SEMA5A: variants seen among roughly 807,000 people sequenced by gnomAD.
SEMA5A encodes the protein semaphorin 5A, also known as semaphorin-5A.
A neutral mutation model predicts 135.5 loss-of-function variants in SEMA5A; 55 were observed. The observed-to-expected ratio is 0.41, with a 90% confidence interval of 0.33 to 0.51. The LOEUF (loss-of-function observed/expected upper bound fraction) is 0.51, where lower values mean the gene tolerates loss of function less well. Ranked by LOEUF, SEMA5A falls within the 20% of genes least tolerant of loss-of-function variation. The pLI is 0.37. For missense variants in SEMA5A, 1,290 were observed against 1,419.9 expected (o/e 0.91, Z 1.47); for synonymous variants, 580 against 546.5 (o/e 1.06, Z -0.85).
At chr5:9,301,674 T>G (rs994943719) in intron 5 of SEMA5A, among the ~76,000 whole-genome samples, 2 of 152,116 alleles carry the variant, frequency 1.3e-5, no homozygotes, top group East Asian at 3.9e-4. Flanking sequence ...CAGTGCAATG[T>G]CATTAAAGGC....
chr5:9,330,453 GT>G (rs200229375), intron 4 of SEMA5A, among the ~76,000 whole-genome samples: 6 of 147,376 alleles, frequency 4.1e-5, no homozygotes, highest in Non-Finnish European at 9.0e-5. Context: ...GTTTTGTTTT[GT>G]TTTTTTACAA....
intron 1 of SEMA5A, among the ~76,000 whole-genome samples, chr5:9,494,772 T>C (rs1009991935): frequency 2.0e-5 from 3 of 152,174 alleles, no homozygotes; most frequent in Admixed American, 6.5e-5. Context: ...GAATAATAAA[T>C]ACCATGGGTT....
intron 5 of SEMA5A, among the ~76,000 whole-genome samples, chr5:9,281,176 A>G (rs1453913117): frequency 6.6e-6 from 1 of 152,216 alleles, no homozygotes; most frequent in East Asian, 1.9e-4. Flanking sequence ...CAGTTACTGT[A>G]CTTTGATAAT....
At chr5:9,142,669 A>G (rs1742127172) in intron 12 of SEMA5A, among the ~76,000 whole-genome samples, 6 of 152,210 alleles carry the variant, frequency 3.9e-5, no homozygotes, top group Admixed American at 3.3e-4. Context: ...AAGAGCTGCA[A>G]TTAAAAACAT....
intron 11 of SEMA5A, among the ~76,000 whole-genome samples, chr5:9,184,846 T>C (rs1744721358): frequency 6.6e-6 from 1 of 152,198 alleles, no homozygotes; most frequent in Non-Finnish European, 1.5e-5. Context: ...TTTGCTTTTC[T>C]GTAGACTGAA....
Position 9,386,446 on chromosome 5 carries a change from C to T in SEMA5A, c.-77-6423G>A, listed in dbSNP as rs539502237. Among the ~76,000 whole-genome samples, 81 of 152,332 alleles carry T rather than the reference C, an allele frequency of 5.3e-4. 1 individual carries two copies. The highest frequency in any genetic ancestry group is 6.8e-3 in the Middle Eastern group (2 of 294). ...TCTTAATCTGTCTCCACTACTCACA[C>T]TGCAAGACCTTCCCTGTGGTCCCTC... On this transcript the variant is annotated intron_variant, in intron 2 of 22. Coordinates refer to ENST00000382496, the MANE Select transcript of SEMA5A (RefSeq NM_003966.3).
rs543930568 is a variant in SEMA5A at position 9,385,684 on chromosome 5, A to T, written c.-77-5661T>A. Among the ~76,000 whole-genome samples, 18 of 152,230 alleles carry T rather than the reference A, an allele frequency of 1.2e-4. No individual in the cohort carries two copies. The South Asian group carries it at 2.9e-3, about 25-fold the overall frequency. ...CAGCAGGACAATCCTTAGTACCAAA[A>T]GGCTGAAGCGATTGCTGCATGTGTG... On this transcript the variant is annotated intron_variant, in intron 2 of 22. Transcript: ENST00000382496.
intron 18 of SEMA5A, among the ~76,000 whole-genome samples, chr5:9,062,263 C>T (rs764219960): frequency 1.8e-4 from 28 of 152,140 alleles, no homozygotes; most frequent in Admixed American, 1.5e-3. Context: ...CCACTGTGGC[C>T]CGGCCTATCA....
intron 2 of SEMA5A, among the ~76,000 whole-genome samples, chr5:9,437,523 A>AT (rs1758077022): frequency 6.6e-6 from 1 of 151,892 alleles, no homozygotes; most frequent in South Asian, 2.1e-4. Flanking sequence ...CGCCAGGCTA[A>AT]TTTTTGTATT....
intron 5 of SEMA5A, among the ~76,000 whole-genome samples, chr5:9,256,684 C>T (rs12515412): frequency 0.37 from 55,923 of 152,086 alleles, 10,939 homozygotes; most frequent in East Asian, 0.48. Context: ...CTTGGTTCAA[C>T]ACTTTATTTC....
rs1747991847 is a variant in SEMA5A at position 9,237,833 on chromosome 5, A to G, written c.328T>C (p.Ser110Pro). 1.2e-6 allele frequency: 2 copies of G among 1,613,514 alleles called. No individual in the cohort carries two copies. The highest frequency in any genetic ancestry group is 2.2e-5 in the East Asian group (1 of 44,838). Residue 110 changes from serine (S) to proline (P), a missense_variant, in exon 6 of 23, where the codon TCA becomes CCA. Ser to Pro is a moderately conservative substitution (Grantham distance 74). Transcript: ENST00000382496. ...TKKACYSKGK[S>P]KEECQNYIRV... Reference sequence around the variant, plus strand: ...CATAATTGCATTCTTCTTACCTTTGATTTGCCTTTGCTGTAACAGGCCTTT... The same window carrying G: ...CATAATTGCATTCTTCTTACCTTTGGTTTGCCTTTGCTGTAACAGGCCTTT...
intron 14 of SEMA5A, 142 bp from the exon 15 acceptor site, chr5:9,119,283 TGAATG>T (rs1214957382): frequency 1.1e-6 from 1 of 943,656 alleles, no homozygotes; most frequent in Non-Finnish European, 1.6e-6. Flanking sequence ...GCCAGGGGAC[TGAATG>T]GACTGCACCC....
chr5:9,521,618 G>A (rs957889926), intron 1 of SEMA5A, among the ~76,000 whole-genome samples: 12 of 152,242 alleles, frequency 7.9e-5, no homozygotes, highest in African/African-American at 2.6e-4. Flanking sequence ...TATGAAATCT[G>A]CTGGAGCCCT....
intron 2 of SEMA5A, among the ~76,000 whole-genome samples, chr5:9,403,838 G>A (rs1756767737): frequency 6.6e-6 from 1 of 152,192 alleles, no homozygotes; most frequent in Non-Finnish European, 1.5e-5. Flanking sequence ...ACTACAGCCA[G>A]TCAGAAACAT....
intron 5 of SEMA5A, among the ~76,000 whole-genome samples, chr5:9,281,142 G>A (rs1211721914): frequency 6.6e-6 from 1 of 152,070 alleles, no homozygotes; most frequent in African/African-American, 2.4e-5. Context: ...CTGGTAGGAT[G>A]GAAAATACAC....
At chr5:9,138,578 C>T (rs1028613679) in intron 12 of SEMA5A, among the ~76,000 whole-genome samples, 1 of 152,050 alleles carries the variant, frequency 6.6e-6, no homozygotes, top group African/African-American at 2.4e-5. Flanking sequence ...ATTTAAATTT[C>T]CCTTTCATTT....
chr5:9,427,537 T>C (rs969291663), intron 2 of SEMA5A, among the ~76,000 whole-genome samples: 3 of 152,200 alleles, frequency 2.0e-5, no homozygotes, highest in Non-Finnish European at 4.4e-5. Flanking sequence ...GTCCTTCTCC[T>C]GCTTTACTAA....
chr5:9,233,312 A>G (rs1266289276), intron 6 of SEMA5A, among the ~76,000 whole-genome samples: 1 of 152,260 alleles, frequency 6.6e-6, no homozygotes, highest in South Asian at 2.1e-4. Context: ...TTAGGTCGTG[A>G]GAGAATTGAC....
chr5:9,330,416 G>GTT (rs11386960), intron 4 of SEMA5A, among the ~76,000 whole-genome samples: 1 of 149,158 alleles, frequency 6.7e-6, no homozygotes, highest in African/African-American at 2.5e-5. Flanking sequence ...GTACAGATTA[G>GTT]TTTTTTTTGT....
Sources: gnomAD v4.1 joint callset for allele counts (sites outside exome capture counted in the v4.1 genomes callset) on GRCh38, gnomAD v4.1.1 for gene constraint, MANE v1.5 for transcripts, NCBI Gene and HGNC (gene_info 2026-07-23, HGNC 2026-07-21) for gene names.